Variants in CSMD1 observed in about 807,000 individuals in gnomAD.
CSMD1 encodes CUB and Sushi multiple domains 1.
Under a neutral mutation model 417.5 loss-of-function variants are expected in CSMD1, and 213 were observed. The observed-to-expected ratio is 0.51, with a 90% confidence interval of 0.46 to 0.57. The LOEUF is 0.57. CSMD1 is among the 20% of genes least tolerant of loss of function. The pLI is 0.00. For synonymous variants in CSMD1, 2,862 were observed against 1,736.8 expected (o/e 1.65, Z -16.11); for missense variants, 6,923 against 4,529.7 (o/e 1.53, Z -15.17).
chr8:4,978,745 C>A (rs1395561774), intron 1 of CSMD1, among the ~76,000 whole-genome samples: 1 of 152,108 alleles, frequency 6.6e-6, no homozygotes, highest in East Asian at 1.9e-4. Context: ...CGAGACCAGC[C>A]TGGCCAACAC....
intron 5 of CSMD1, among the ~76,000 whole-genome samples, chr8:3,967,348 C>G (rs896948586): frequency 4.6e-5 from 7 of 152,044 alleles, no homozygotes; most frequent in African/African-American, 1.2e-4. Flanking sequence ...CATTCCGACC[C>G]TGAACTTGTA....
At chr8:4,157,266 C>G (rs759159845) in intron 3 of CSMD1, among the ~76,000 whole-genome samples, 1 of 152,184 alleles carries the variant, frequency 6.6e-6, no homozygotes, top group African/African-American at 2.4e-5. Flanking sequence ...TACATCCTGT[C>G]TGTGACTAGT....
intron 3 of CSMD1, among the ~76,000 whole-genome samples, chr8:4,179,880 A>G (rs1368737923): frequency 3.3e-5 from 5 of 152,210 alleles, no homozygotes; most frequent in African/African-American, 4.8e-5. Flanking sequence ...ACAATGAGAT[A>G]CCATCTCACA....
At chr8:3,088,944 G>A (rs79772219) in intron 48 of CSMD1, among the ~76,000 whole-genome samples, 100 of 151,854 alleles carry the variant, frequency 6.6e-4, no homozygotes, top group African/African-American at 2.2e-3. Context: ...TTTGCAGGAA[G>A]TGAGACCATG....
intron 6 of CSMD1, among the ~76,000 whole-genome samples, chr8:3,744,733 C>G (rs148483107): frequency 4.6e-5 from 7 of 152,304 alleles, no homozygotes; most frequent in South Asian, 2.1e-4. Context: ...GAGTCAGTGA[C>G]TTACAGCATT....
At chr8:4,397,369 T>C (rs772019766) in intron 3 of CSMD1, among the ~76,000 whole-genome samples, 3 of 152,074 alleles carry the variant, frequency 2.0e-5, no homozygotes, top group Non-Finnish European at 2.9e-5. Context: ...TCGAAAAAGA[T>C]ATAATCTTAA....
intron 57 of CSMD1, among the ~76,000 whole-genome samples, chr8:2,967,120 A>G (rs990689661): frequency 3.3e-5 from 5 of 152,250 alleles, no homozygotes; most frequent in Admixed American, 1.3e-4. Context: ...GATTTTTAAA[A>G]AAGAATATCT....
chr8:4,117,254 C>G (rs555786541), intron 3 of CSMD1, among the ~76,000 whole-genome samples: 10 of 152,034 alleles, frequency 6.6e-5, no homozygotes, highest in African/African-American at 2.4e-4. Flanking sequence ...TTCCTCTCAT[C>G]TATAATCCCA....
chr8:3,929,932 G>T (rs1329442062), intron 5 of CSMD1, among the ~76,000 whole-genome samples: 1 of 150,152 alleles, frequency 6.7e-6, no homozygotes, highest in East Asian at 2.0e-4. Flanking sequence ...AAAGCGCTGG[G>T]ATTACAGGCC....
At chr8:3,124,777 C>A (rs1223962652) in intron 41 of CSMD1, among the ~76,000 whole-genome samples, 1 of 152,138 alleles carries the variant, frequency 6.6e-6, no homozygotes, top group Non-Finnish European at 1.5e-5. Flanking sequence ...AACCCAGGAC[C>A]CATTTTTTCA....
At chr8:4,360,669 T>G (rs1031301466) in intron 3 of CSMD1, among the ~76,000 whole-genome samples, 2 of 151,966 alleles carry the variant, frequency 1.3e-5, no homozygotes, top group Non-Finnish European at 2.9e-5. Flanking sequence ...TTTTTTTTTG[T>G]TTTTTAGTGG....
At chr8:3,705,401 G>C (rs959041407) in intron 7 of CSMD1, among the ~76,000 whole-genome samples, 1 of 152,188 alleles carries the variant, frequency 6.6e-6, no homozygotes, top group Non-Finnish European at 1.5e-5. Flanking sequence ...GCTGCTAGCA[G>C]TGTCCACCCC....
intron 3 of CSMD1, among the ~76,000 whole-genome samples, chr8:4,299,127 A>G (rs1299087856): frequency 6.6e-6 from 1 of 152,196 alleles, no homozygotes; most frequent in Non-Finnish European, 1.5e-5. Flanking sequence ...AAAACATTAA[A>G]AGATCTTGCC....
At chr8:3,555,139 C>A (rs1799088611) in intron 10 of CSMD1, among the ~76,000 whole-genome samples, 1 of 151,852 alleles carries the variant, frequency 6.6e-6, no homozygotes, top group Admixed American at 6.6e-5. Context: ...AAATTATGAG[C>A]AAAACCTAGG....
At chr8:4,432,233 G>C (rs569021179) in intron 2 of CSMD1, among the ~76,000 whole-genome samples, 11 of 152,300 alleles carry the variant, frequency 7.2e-5, no homozygotes, top group African/African-American at 2.6e-4. Flanking sequence ...AATGGGTTAT[G>C]AGAAAACAGT....
chr8:4,470,284 C>T (rs114084900), intron 2 of CSMD1, among the ~76,000 whole-genome samples: 1 of 152,270 alleles, frequency 6.6e-6, no homozygotes, highest in African/African-American at 2.4e-5. Flanking sequence ...GAGCCTTCTC[C>T]CTCCTCTCCT....
intron 5 of CSMD1, among the ~76,000 whole-genome samples, chr8:3,904,827 G>T (rs1051518694): frequency 2.0e-5 from 3 of 151,742 alleles, no homozygotes; most frequent in Non-Finnish European, 2.9e-5. Context: ...AGTAAAGATG[G>T]GGTTTTACCA....
intron 3 of CSMD1, among the ~76,000 whole-genome samples, chr8:4,345,659 G>T (rs1486474841): frequency 6.6e-6 from 1 of 152,066 alleles, no homozygotes; most frequent in Non-Finnish European, 1.5e-5. Flanking sequence ...ATGACTGGAA[G>T]AGACCTTTCT....
intron 66 of CSMD1, 82 bp downstream of exon 66, chr8:2,951,032 C>T (rs1209727594): frequency 7.0e-7 from 1 of 1,425,720 alleles, no homozygotes; most frequent in African/African-American, 1.4e-5. Context: ...GTACTTAATA[C>T]TTACTAGATC....
Sources: gnomAD v4.1 joint callset for allele counts (sites outside exome capture counted in the v4.1 genomes callset) on GRCh38, gnomAD v4.1.1 for gene constraint, MANE v1.5 for transcripts, NCBI Gene and HGNC (gene_info 2026-07-23, HGNC 2026-07-21) for gene names.